The following MED27 variants were observed in gnomAD, a reference collection of about 807,000 sequenced individuals.
MED27 encodes the protein mediator of RNA polymerase II transcription subunit 27.
MED27 carries 30 observed loss-of-function variants against 38.2 expected under a neutral mutation model. That is an observed-to-expected ratio of 0.79 (90% CI 0.59 to 1.07). The LOEUF (loss-of-function observed/expected upper bound fraction) is 1.07, where lower values mean the gene tolerates loss of function less well. MED27 is among the 50% of genes least tolerant of loss of function. MED27 has a pLI of 0.00. For missense variants in MED27, 289 were observed against 397.5 expected (o/e 0.73, Z 2.32); for synonymous variants, 122 against 153.5 (o/e 0.79, Z 1.52).
chr9:131,985,575 C>T (rs910262841), intron 3 of MED27, among the ~76,000 whole-genome samples: 16 of 152,176 alleles, frequency 1.1e-4, no homozygotes, highest in African/African-American at 3.9e-4. Context: ...TGTCAACAAA[C>T]CTACTGCACT....
At chr9:131,928,172 C>T (rs1830516237) in intron 4 of MED27, among the ~76,000 whole-genome samples, 1 of 152,194 alleles carries the variant, frequency 6.6e-6, no homozygotes. Flanking sequence ...CATCAGGTTT[C>T]ACAACTCAGG....
chr9:131,989,171 T>C (rs1445858030), intron 3 of MED27, among the ~76,000 whole-genome samples: 3 of 152,198 alleles, frequency 2.0e-5, no homozygotes, highest in Admixed American at 6.5e-5. Flanking sequence ...ATTATCCCTA[T>C]TTGTAGATGA....
chr9:131,957,121 T>C (rs1831122101), intron 3 of MED27, among the ~76,000 whole-genome samples: 1 of 152,226 alleles, frequency 6.6e-6, no homozygotes. Flanking sequence ...GAAAGCTGTT[T>C]AGCAGTTTCT....
rs892875247 is a variant in MED27 at position 131,872,652 on chromosome 9, G to T, written c.724-9512C>A. ...CCCTGCTGGCCCTCGGTAGAAGAGC[G>T]TGGGGAGGCTGGGGTGGGGCTGGGT... On this transcript the variant is annotated intron_variant, in intron 6 of 7. Transcript: ENST00000292035. The surrounding 1 kb of genome is among the most constrained non-coding windows in gnomAD (Gnocchi z 5.6). 6.6e-6 allele frequency among the ~76,000 whole-genome samples: 1 copy of T among 151,322 alleles called. No homozygotes were observed. The highest frequency in any genetic ancestry group is 1.5e-5 in the Non-Finnish European group (1 of 68,036).
At chr9:131,880,195 CTT>C in intron 6 of MED27, among the ~76,000 whole-genome samples, 1 of 148,050 alleles carries the variant, frequency 6.8e-6, no homozygotes, top group African/African-American at 2.5e-5. Flanking sequence ...CAGAAACAGG[CTT>C]TTTTTTTTTC....
intron 3 of MED27, among the ~76,000 whole-genome samples, chr9:131,971,464 G>A (rs1033309877): frequency 2.0e-5 from 3 of 152,222 alleles, no homozygotes; most frequent in Non-Finnish European, 2.9e-5. Flanking sequence ...GGAATTTATC[G>A]CGAATGTGAT....
chr9:131,971,537 T>G (rs1168740518), intron 3 of MED27, among the ~76,000 whole-genome samples: 1 of 152,216 alleles, frequency 6.6e-6, no homozygotes, highest in Non-Finnish European at 1.5e-5. Context: ...GAAATGTTGC[T>G]CTGGCTGCTT....
chr9:131,954,021 C>A (rs1831047891), intron 3 of MED27, among the ~76,000 whole-genome samples: 1 of 152,146 alleles, frequency 6.6e-6, no homozygotes, highest in Non-Finnish European at 1.5e-5. Flanking sequence ...CCAGGCTGGT[C>A]TCAAACTCCT....
intron 5 of MED27, among the ~76,000 whole-genome samples, chr9:131,884,527 G>C (rs1448419217): frequency 6.6e-6 from 1 of 151,422 alleles, no homozygotes; most frequent in Non-Finnish European, 1.5e-5. Context: ...GAGCTCAAAT[G>C]TCACCTTATC....
intron 2 of MED27, among the ~76,000 whole-genome samples, chr9:132,036,948 C>T (rs1436675848): frequency 1.3e-5 from 2 of 152,162 alleles, no homozygotes; most frequent in Non-Finnish European, 2.9e-5. Flanking sequence ...AAAGCAGAGG[C>T]ACTGCCTGTA....
rs146335713 is a variant in MED27, at chr9:131,954,655, T to C, written c.480-15181A>G. Among the ~76,000 whole-genome samples the C allele has an allele frequency of 3.6e-3, 541 of 152,260 alleles. 2 individuals are homozygous for C. Among genetic ancestry groups the C allele is most frequent in the African/African-American group, 0.012 (510 of 41,538 alleles). Reference sequence around the variant, plus strand: ...AAGTGAATCAATTTGACCCCTCTGCTCATCAATGCTACCACTGACCCTCTG... The same window carrying C: ...AAGTGAATCAATTTGACCCCTCTGCCCATCAATGCTACCACTGACCCTCTG... On this transcript the variant is annotated intron_variant, in intron 3 of 7. Transcript: ENST00000292035.
intron 4 of MED27, among the ~76,000 whole-genome samples, chr9:131,907,930 A>G (rs1462203449): frequency 6.9e-6 from 1 of 145,384 alleles, no homozygotes. Context: ...GAAGGTGAGG[A>G]GCGTCTCTGC....
chr9:131,975,467 TA>T (rs1001917472), intron 3 of MED27, among the ~76,000 whole-genome samples: 15 of 152,244 alleles, frequency 9.9e-5, no homozygotes, highest in Admixed American at 8.5e-4. Context: ...TTTCTGCTTC[TA>T]AATGAACAAG....
At chr9:132,019,538 G>A (rs971844146) in intron 2 of MED27, among the ~76,000 whole-genome samples, 1 of 152,126 alleles carries the variant, frequency 6.6e-6, no homozygotes, top group African/African-American at 2.4e-5. Flanking sequence ...GGGGTCCATA[G>A]GGACTGCCCC....
intron 6 of MED27, among the ~76,000 whole-genome samples, chr9:131,873,567 C>T (rs1372099663): frequency 3.3e-5 from 5 of 152,164 alleles, no homozygotes; most frequent in Non-Finnish European, 7.4e-5. Flanking sequence ...CCCACAGGGA[C>T]TTGGGATTAC....
intron 2 of MED27, among the ~76,000 whole-genome samples, chr9:132,073,949 A>C (rs1185359189): frequency 1.3e-5 from 2 of 152,230 alleles, no homozygotes; most frequent in African/African-American, 4.8e-5. Context: ...AAAAAATCAA[A>C]GCCAGAAATA....
intron 3 of MED27, among the ~76,000 whole-genome samples, chr9:131,985,621 T>C (rs1235827231): frequency 2.0e-5 from 3 of 152,352 alleles, no homozygotes; most frequent in East Asian, 1.9e-4. Flanking sequence ...TACAATTATG[T>C]ATAGTACAGA....
chr9:132,067,004 C>G (rs1463658639), intron 2 of MED27, among the ~76,000 whole-genome samples: 1 of 152,206 alleles, frequency 6.6e-6, no homozygotes, highest in African/African-American at 2.4e-5. Context: ...TAAGGTGATG[C>G]AAACAGAGGC....
chr9:132,019,506 T>A (rs1832674167), intron 2 of MED27, among the ~76,000 whole-genome samples: 1 of 152,174 alleles, frequency 6.6e-6, no homozygotes. Context: ...AGGCTTGAGC[T>A]TGGACCAAGC....
Sources: allele counts gnomAD v4.1 joint callset (sites outside exome capture counted in the v4.1 genomes callset), GRCh38; gene constraint gnomAD v4.1.1; non-coding constraint Gnocchi (gnomAD v3.1); transcripts MANE v1.5; gene names NCBI Gene and HGNC (gene_info 2026-07-23, HGNC 2026-07-21).